Variants in CBFA2T3 observed in about 807,000 individuals in gnomAD.
The protein encoded by CBFA2T3 is CBFA2/RUNX1 partner transcriptional co-repressor 3, also known as transcriptional corepressor CBFA2T3.
In CBFA2T3, 31 loss-of-function variants were observed where a neutral mutation model predicts 58.6. The ratio of observed to expected loss-of-function variants is 0.53; its 90% CI spans 0.40 to 0.71. The LOEUF is 0.71. Among genes scored for constraint, CBFA2T3 ranks in the 30% least tolerant of loss-of-function variants. The pLI is 0.00. For synonymous variants in CBFA2T3, 531 were observed against 421.9 expected (o/e 1.26, Z -3.17); for missense variants, 1,076 against 963.1 (o/e 1.12, Z -1.55).
In CBFA2T3 at chr16:88,877,007, G is replaced by C; in HGVS notation, c.1931C>G (p.Pro644Arg). 1 of 1,471,638 alleles carries C rather than the reference G, an allele frequency of 6.8e-7. No homozygotes were observed. The highest frequency in any genetic ancestry group is 1.3e-5 in the South Asian group (1 of 74,232). 91.2% of individuals were successfully genotyped at this position (1,471,638 alleles called of 1,614,324 possible). A position where few individuals can be genotyped will look rare whatever the true frequency, so the allele number is the denominator to read the frequency against. Residue 644 changes from proline to arginine, a missense_variant, in exon 12 of 12, where the codon CCA (proline) becomes CGA (arginine). Physicochemically the swap from Pro to Arg is moderately radical, Grantham distance 103. Transcript: ENST00000268679. Reference sequence around the variant, plus strand: ...GGGCACGGTGTCCAGTGGGCCAGGTGGGCTGGGGGAGCCGGGGCGAGAAGG... The same window carrying C: ...GGGCACGGTGTCCAGTGGGCCAGGTCGGCTGGGGGAGCCGGGGCGAGAAGG... ...AGPSRPGSPS[P>R]PGPLDTVPR
chr16:88,917,529 C>A (rs866673291), intron 1 of CBFA2T3, among the ~76,000 whole-genome samples: 1 of 152,126 alleles, frequency 6.6e-6, no homozygotes. Context: ...ACCAATGAGG[C>A]GCCAGGGGAG....
At chr16:88,918,989 C>G (rs976010520) in intron 1 of CBFA2T3, among the ~76,000 whole-genome samples, 1 of 152,252 alleles carries the variant, frequency 6.6e-6, no homozygotes, top group Non-Finnish European at 1.5e-5. Context: ...TAAATATCTG[C>G]TAGCCTTAAT....
At chr16:88,930,854 G>A (rs974028821) in intron 1 of CBFA2T3, among the ~76,000 whole-genome samples, 1 of 149,950 alleles carries the variant, frequency 6.7e-6, no homozygotes, top group Non-Finnish European at 1.5e-5. Flanking sequence ...CTGTGGGCTG[G>A]GGGTGGAGGA....
intron 1 of CBFA2T3, among the ~76,000 whole-genome samples, chr16:88,963,706 T>C (rs533266673): frequency 6.6e-6 from 1 of 152,346 alleles, no homozygotes; most frequent in South Asian, 2.1e-4. Flanking sequence ...GCATCAGGAA[T>C]AGATTTTAGC....
At position 88,877,114 on chromosome 16, in the gene CBFA2T3, A is replaced by G; in HGVS notation, c.1824T>C (p.Pro608=). 2 of 1,547,106 alleles carry G rather than the reference A, an allele frequency of 1.3e-6. No individual in the cohort carries two copies. Among genetic ancestry groups the G allele is most frequent in the South Asian group, 1.2e-5 (1 of 83,930 alleles). The change falls in exon 12 of 12, where the codon CCT becomes CCC. Residue 608 remains proline (P), a synonymous_variant. Transcript: ENST00000268679. The part of the protein sequence containing the change: ...GPTAVVADPV[P]GPPEAAHSLG... Reference sequence around the variant, plus strand: ...GGCTGTGGGCGGCTTCGGGCGGTCCAGGCACCGGGTCGGCCACCACGGCTG... The same window carrying G: ...GGCTGTGGGCGGCTTCGGGCGGTCCGGGCACCGGGTCGGCCACCACGGCTG...
chr16:88,963,094 C>A (rs1258252185), intron 1 of CBFA2T3, among the ~76,000 whole-genome samples: 1 of 152,146 alleles, frequency 6.6e-6, no homozygotes, highest in Non-Finnish European at 1.5e-5. Flanking sequence ...CTGGGCCTGG[C>A]AGGATGCTGG....
At position 88,892,459 on chromosome 16, in the gene CBFA2T3, T is replaced by C. The variant is rs1313014860; in HGVS notation, c.406A>G (p.Thr136Ala). 3.7e-6 allele frequency: 6 copies of C among 1,613,066 alleles called. No individual in the cohort carries two copies. Among genetic ancestry groups the C allele is most frequent in the Non-Finnish European group, 5.1e-6 (6 of 1,179,958 alleles). ...LLMNGSSHSPTAINGAPCTPN... is the reference protein window; with the variant it reads ...LLMNGSSHSPAAINGAPCTPN... ...GTGCACGGTGCACCATTGATGGCTG[T>C]TGGTGAGTGGCTGCTGCCGTTCATC... Residue 136 changes from threonine to alanine, a missense_variant, in exon 4 of 12, where the codon ACA becomes GCA. By Grantham distance (58) the Thr-to-Ala change is moderately conservative. Transcript: ENST00000268679.
At chr16:88,887,482 G>A (rs534065987) in intron 5 of CBFA2T3, among the ~76,000 whole-genome samples, 170 of 152,302 alleles carry the variant, frequency 1.1e-3, no homozygotes, top group African/African-American at 3.8e-3. Flanking sequence ...AGCCGGGGCG[G>A]TGGGTGGGGC....
At position 88,966,631 on chromosome 16, in the gene CBFA2T3, C is replaced by G. The variant is rs61337598; in HGVS notation, c.151+10026G>C. On this transcript the variant is annotated intron_variant, in intron 1 of 11. Transcript: ENST00000268679. The stretch of plus-strand genomic sequence containing the variant: ...CCTTGGAGGCCGGCCCTGGTTTCCA[C>G]AAACAAGGAATTCCTCCAGGAGCAA... Among the ~76,000 whole-genome samples the G allele has an allele frequency of 9.5e-3, 1,435 of 151,614 alleles. 25 individuals carry two copies. The highest frequency in any genetic ancestry group is 0.034 in the African/African-American group (1,391 of 41,434).
At chr16:88,886,306 G>A (rs1259647797) in intron 5 of CBFA2T3, 164 bp from the exon 6 acceptor site, 5 of 464,608 alleles carry the variant, frequency 1.1e-5, no homozygotes, top group African/African-American at 6.1e-5. Flanking sequence ...CTTCCTAGCA[G>A]TGCCATGGGA....
chr16:88,905,736 G>A (rs1160008781), intron 1 of CBFA2T3, among the ~76,000 whole-genome samples: 8 of 133,488 alleles, frequency 6.0e-5, no homozygotes, highest in Non-Finnish European at 1.3e-4. Context: ...AAGGAGGGGC[G>A]GGACTGGAGG....
intron 7 of CBFA2T3, chr16:88,884,141 G>A (rs544295583): frequency 6.6e-6 from 1 of 152,394 alleles, no homozygotes; most frequent in African/African-American, 2.4e-5. Context: ...AATCGGGTGG[G>A]AGTCAGCACC....
intron 8 of CBFA2T3, 40 bp downstream of exon 8, chr16:88,882,636 G>T: frequency 2.2e-6 from 3 of 1,355,760 alleles, no homozygotes; most frequent in Non-Finnish European, 3.1e-6. Flanking sequence ...CTGTGCGCCT[G>T]GGCATGGCTG....
intron 1 of CBFA2T3, chr16:88,902,404 A>T (rs1970134797): frequency 6.6e-6 from 1 of 151,880 alleles, no homozygotes; most frequent in African/African-American, 2.4e-5. Context: ...ATTAATGAGA[A>T]CCTGCAGCTG....
intron 1 of CBFA2T3, among the ~76,000 whole-genome samples, chr16:88,971,617 C>G (rs1972657933): frequency 6.6e-6 from 1 of 152,250 alleles, no homozygotes; most frequent in South Asian, 2.1e-4. Context: ...TCATTGGCGC[C>G]TGCTGCAGGC....
At chr16:88,969,223 C>A (rs1324917367) in intron 1 of CBFA2T3, among the ~76,000 whole-genome samples, 1 of 152,218 alleles carries the variant, frequency 6.6e-6, no homozygotes, top group Non-Finnish European at 1.5e-5. Context: ...TCCCCTCCCC[C>A]ACTCTGTCCC....
rs925666712 is a variant in CBFA2T3, at chr16:88,941,170, G to A, written c.151+35487C>T. On this transcript the variant is annotated intron_variant, in intron 1 of 11. Transcript: ENST00000268679. ...CTGGCGCCGCACCGGGCTCAGGCGC[G>A]CGGCGGGGCTGGGGCGCGCGGGGCG... The A allele has an allele frequency of 1.5e-3, 1,497 of 983,174 alleles. 1 individual carries two copies. The highest frequency in any genetic ancestry group is 1.7e-3 in the Non-Finnish European group (1,435 of 828,990). 60.9% of individuals were successfully genotyped at this position (983,174 alleles called of 1,614,324 possible).
intron 5 of CBFA2T3, among the ~76,000 whole-genome samples, chr16:88,889,701 C>G (rs960046859): frequency 6.6e-6 from 1 of 151,620 alleles, no homozygotes; most frequent in Non-Finnish European, 1.5e-5. Flanking sequence ...CCTCCAGGGA[C>G]GACACCCCGC....
intron 1 of CBFA2T3, among the ~76,000 whole-genome samples, chr16:88,907,750 C>T (rs1249414511): frequency 6.6e-6 from 1 of 152,238 alleles, no homozygotes; most frequent in Non-Finnish European, 1.5e-5. Flanking sequence ...TCTCACTCCC[C>T]CTGCCCATGA....
Sources: allele counts gnomAD v4.1 joint callset (sites outside exome capture counted in the v4.1 genomes callset), GRCh38; gene constraint gnomAD v4.1.1; transcripts MANE v1.5; gene names NCBI Gene and HGNC (gene_info 2026-07-23, HGNC 2026-07-21).